The following RGS7 variants were observed in gnomAD, a reference collection of about 807,000 sequenced individuals.
RGS7 encodes the protein regulator of G-protein signaling 7.
In RGS7, 27 loss-of-function variants were observed where a neutral mutation model predicts 81.1. The observed-to-expected ratio is 0.33, with a 90% confidence interval of 0.25 to 0.46. RGS7 has a LOEUF of 0.46. Among genes scored for constraint, RGS7 ranks in the 20% least tolerant of loss-of-function variants. The pLI is 1.00. For synonymous variants in RGS7, 208 were observed against 207.7 expected (o/e 1.00, Z -0.01); for missense variants, 396 against 607.4 (o/e 0.65, Z 3.66).
At chr1:241,347,579 T>C (rs906724084) in intron 2 of RGS7, among the ~76,000 whole-genome samples, 2 of 152,178 alleles carry the variant, frequency 1.3e-5, no homozygotes, top group East Asian at 1.9e-4. Flanking sequence ...TTGTTAGGAA[T>C]TGGAGTGGCT....
intron 2 of RGS7, 109 bp from the exon 3 acceptor site, chr1:241,098,871 C>T (rs547465435): frequency 2.4e-5 from 18 of 757,080 alleles, no homozygotes; most frequent in South Asian, 2.2e-4. Flanking sequence ...AAGAACAATG[C>T]CGTATTCTTG....
rs551617425 is a variant in RGS7, at chr1:241,043,489, C to T, written c.175+55177G>A. 2.7e-5 allele frequency among the ~76,000 whole-genome samples: 4 copies of T among 148,760 alleles called. No individual in the cohort carries two copies. The South Asian group carries it at 8.4e-4, about 31-fold the overall frequency. On this transcript the variant is annotated intron_variant, in intron 3 of 18. Transcript: ENST00000440928. ...TTTCAATCTATGGTTGGTTGAAACCCGCTAATATGGAGGGTCAACTATGAT... is the reference window on the plus strand; with the variant it reads ...TTTCAATCTATGGTTGGTTGAAACCTGCTAATATGGAGGGTCAACTATGAT...
intron 2 of RGS7, among the ~76,000 whole-genome samples, chr1:241,282,433 G>A (rs1007688532): frequency 2.9e-4 from 44 of 152,134 alleles, no homozygotes; most frequent in African/African-American, 8.4e-4. Context: ...TTTGGGTTCC[G>A]TGACCTTGCT....
intron 3 of RGS7, among the ~76,000 whole-genome samples, chr1:241,054,173 A>G (rs1323828574): frequency 6.6e-6 from 1 of 152,198 alleles, no homozygotes; most frequent in African/African-American, 2.4e-5. Context: ...AGAACATATA[A>G]CACTGAGAAT....
intron 2 of RGS7, among the ~76,000 whole-genome samples, chr1:241,306,656 AAATAC>A (rs1361061272): frequency 7.2e-6 from 1 of 139,184 alleles, no homozygotes; most frequent in African/African-American, 2.6e-5. Context: ...TTTCACACAC[AAATAC>A]ATGTCCACCC....
intron 2 of RGS7, among the ~76,000 whole-genome samples, chr1:241,154,809 G>T (rs992611355): frequency 2.6e-5 from 4 of 152,200 alleles, no homozygotes; most frequent in African/African-American, 9.6e-5. Flanking sequence ...TTCACTGTCA[G>T]TGATGGCAGA....
intron 18 of RGS7, among the ~76,000 whole-genome samples, chr1:240,785,524 C>G (rs1184902762): frequency 6.6e-6 from 1 of 152,126 alleles, no homozygotes; most frequent in East Asian, 1.9e-4. Flanking sequence ...ATAGCAGTCT[C>G]CAAATAAGTA....
intron 2 of RGS7, among the ~76,000 whole-genome samples, chr1:241,167,543 G>A (rs1400097272): frequency 2.0e-5 from 3 of 150,546 alleles, no homozygotes; most frequent in African/African-American, 7.4e-5. Flanking sequence ...TTCTTGAGAC[G>A]AGTCTCGCCC....
At chr1:241,139,245 CCTT>C (rs1353794015) in intron 2 of RGS7, among the ~76,000 whole-genome samples, 5 of 151,078 alleles carry the variant, frequency 3.3e-5, no homozygotes, top group East Asian at 1.9e-4. Flanking sequence ...CCTTCTCTTT[CCTT>C]CTTTTCTTCC....
intron 6 of RGS7, among the ~76,000 whole-genome samples, chr1:240,893,732 C>T (rs970287793): frequency 2.0e-5 from 3 of 152,128 alleles, no homozygotes; most frequent in African/African-American, 7.2e-5. Flanking sequence ...TTGCAACTTC[C>T]ATTGCAATTT....
chr1:241,219,435 CT>C (rs1334121430), intron 2 of RGS7, among the ~76,000 whole-genome samples: 1 of 152,168 alleles, frequency 6.6e-6, no homozygotes, highest in Non-Finnish European at 1.5e-5. Context: ...AATTAAACCT[CT>C]TTCTTTTGTA....
chr1:241,073,183 C>A (rs531994742), intron 3 of RGS7, among the ~76,000 whole-genome samples: 49 of 152,288 alleles, frequency 3.2e-4, no homozygotes, highest in East Asian at 2.3e-3. Flanking sequence ...CCAAAAAAAA[C>A]CCCACATCTT....
At chr1:241,321,900 C>T (rs2081235249) in intron 2 of RGS7, among the ~76,000 whole-genome samples, 1 of 152,178 alleles carries the variant, frequency 6.6e-6, no homozygotes, top group African/African-American at 2.4e-5. Context: ...CACAAACTGG[C>T]TCCAATCTGC....
intron 4 of RGS7, among the ~76,000 whole-genome samples, chr1:240,971,918 G>C (rs1238335959): frequency 6.6e-6 from 1 of 152,146 alleles, no homozygotes; most frequent in Non-Finnish European, 1.5e-5. Context: ...TTATTTGCAA[G>C]GGATATTTTA....
Position 241,341,577 on chromosome 1 carries a change from A to T in RGS7, c.78+14122T>A, listed in dbSNP as rs143903927. Among the ~76,000 whole-genome samples, 42 of 152,210 alleles carry T rather than the reference A, an allele frequency of 2.8e-4. 1 individual carries two copies. The highest frequency in any genetic ancestry group is 9.2e-4 in the African/African-American group (38 of 41,504). On this transcript the variant is annotated intron_variant, in intron 2 of 18. Transcript: ENST00000440928. ...AGAAGGAAAAGGAAGGAAGAAAGGA[A>T]GTAAAAAGGAAGGAAGGAGAGAGGG...
intron 6 of RGS7, among the ~76,000 whole-genome samples, chr1:240,908,958 G>A (rs1393361166): frequency 1.3e-5 from 2 of 152,176 alleles, no homozygotes; most frequent in Non-Finnish European, 2.9e-5. Flanking sequence ...TGGAACGCAC[G>A]AACTAAATTT....
intron 2 of RGS7, among the ~76,000 whole-genome samples, chr1:241,300,096 T>C (rs756868371): frequency 3.3e-5 from 5 of 151,580 alleles, no homozygotes; most frequent in Non-Finnish European, 4.4e-5. Context: ...ACCTGGGTGA[T>C]AGAGCAAGAC....
chr1:241,242,922 C>G (rs758170848), intron 2 of RGS7, among the ~76,000 whole-genome samples: 26 of 152,196 alleles, frequency 1.7e-4, no homozygotes, highest in Non-Finnish European at 1.2e-4. Flanking sequence ...TTCTCCCACT[C>G]TGTGGGTTGT....
chr1:240,952,262 TA>T (rs1411888921), intron 4 of RGS7, among the ~76,000 whole-genome samples: 5 of 152,100 alleles, frequency 3.3e-5, no homozygotes, highest in African/African-American at 1.2e-4. Context: ...TTAGTTTATC[TA>T]AAATATAACT....
Sources: gnomAD v4.1 joint callset for allele counts (sites outside exome capture counted in the v4.1 genomes callset) on GRCh38, gnomAD v4.1.1 for gene constraint, MANE v1.5 for transcripts, NCBI Gene and HGNC (gene_info 2026-07-23, HGNC 2026-07-21) for gene names.